MUSK: variants seen among roughly 807,000 people sequenced by gnomAD.
The protein encoded by MUSK is muscle associated receptor tyrosine kinase.
MUSK carries 55 observed loss-of-function variants against 88.7 expected under a neutral mutation model. That is an observed-to-expected ratio of 0.62 (90% CI 0.50 to 0.78). The LOEUF (loss-of-function observed/expected upper bound fraction) is 0.78. Among genes scored for constraint, MUSK ranks in the 30% least tolerant of loss-of-function variants. The probability of loss-of-function intolerance (pLI) is 0.00; values close to 1 mark genes in which losing one functional copy is unlikely to be tolerated. For synonymous variants in MUSK, 387 were observed against 391.9 expected (o/e 0.99, Z 0.15); for missense variants, 1,015 against 1,074.3 (o/e 0.94, Z 0.77).
intron 14 of MUSK, among the ~76,000 whole-genome samples, chr9:110,788,942 T>C (rs2077924911): frequency 6.6e-6 from 1 of 152,082 alleles, no homozygotes; most frequent in Non-Finnish European, 1.5e-5. Context: ...TGTGGCATGC[T>C]TGAGGAATAG....
intron 3 of MUSK, among the ~76,000 whole-genome samples, chr9:110,690,462 A>C (rs549398596): frequency 0.1 from 2,213 of 21,670 alleles, 148 homozygotes; most frequent in African/African-American, 0.12. Context: ...ATATATATTT[A>C]AATATAAGTA....
intron 11 of MUSK, among the ~76,000 whole-genome samples, chr9:110,782,579 GT>G (rs2077778767): frequency 6.6e-6 from 1 of 152,052 alleles, no homozygotes; most frequent in African/African-American, 2.4e-5. Context: ...TCCCTCACAT[GT>G]TATATATGGT....
rs865883137 is a variant in MUSK at position 110,803,588 on chromosome 9, A to G, written c.*2600A>G. Among the ~76,000 whole-genome samples, 5 of 151,004 alleles carry G rather than the reference A, an allele frequency of 3.3e-5. No homozygotes were observed. Among genetic ancestry groups the G allele is most frequent in the African/African-American group, 1.2e-4 (5 of 40,260 alleles). On this transcript the variant is annotated 3_prime_UTR_variant, in exon 15 of 15. Coordinates refer to ENST00000374448, the MANE Select transcript of MUSK (RefSeq NM_005592.4). The stretch of plus-strand genomic sequence containing the variant: ...TTGCATGTCGTTTCAAGCACACTCT[A>G]TATCTATATTTTATTCTATTAACTT...
At chr9:110,797,418 G>A (rs1236042244) in intron 14 of MUSK, among the ~76,000 whole-genome samples, 2 of 151,810 alleles carry the variant, frequency 1.3e-5, no homozygotes, top group African/African-American at 2.4e-5. Flanking sequence ...ATTATGGGAG[G>A]TATACAAATG....
At chr9:110,767,731 C>T in intron 8 of MUSK, 89 bp from the exon 9 acceptor site, 1 of 1,451,430 alleles carries the variant, frequency 6.9e-7, no homozygotes, top group Non-Finnish European at 9.6e-7. Context: ...TTCTGAGACA[C>T]AGATGTGAAA....
At chr9:110,678,909 A>G (rs2076067247) in intron 1 of MUSK, among the ~76,000 whole-genome samples, 1 of 151,600 alleles carries the variant, frequency 6.6e-6, no homozygotes, top group Admixed American at 6.6e-5. Flanking sequence ...TTTTTTTGCT[A>G]TCTTTTTATT....
intron 5 of MUSK, among the ~76,000 whole-genome samples, chr9:110,705,296 C>G (rs775494723): frequency 5.9e-5 from 9 of 152,170 alleles, no homozygotes; most frequent in African/African-American, 1.2e-4. Context: ...TAGGTTTTCA[C>G]AACTCTTGGA....
chr9:110,803,276 T>C lies in MUSK; in HGVS notation c.*2288T>C, dbSNP rs913909892. Reference sequence around the variant, plus strand: ...AAACCTCACAACATCCCTGTAATGTTGGTACTATCATTATATACATTTTAG... The same window carrying C: ...AAACCTCACAACATCCCTGTAATGTCGGTACTATCATTATATACATTTTAG... On this transcript the variant is annotated 3_prime_UTR_variant, in exon 15 of 15. Coordinates refer to ENST00000374448, the MANE Select transcript of MUSK (RefSeq NM_005592.4). 2.6e-5 allele frequency among the ~76,000 whole-genome samples: 4 copies of C among 152,214 alleles called. No individual in the cohort carries two copies. The highest frequency in any genetic ancestry group is 4.4e-5 in the Non-Finnish European group (3 of 68,036).
In MUSK at chr9:110,682,760, C is replaced by G; in HGVS notation, c.166C>G (p.Gln56Glu). ...CATGTGTGCAGTGGAATCCTACCCC[C>G]AGCCTGAGATTTCCTGGACTAGAAA... The part of the protein sequence containing the change: ...TFMCAVESYP[Q>E]PEISWTRNKI... Residue 56 changes from glutamine (Q) to glutamate (E), a missense_variant, in exon 2 of 15, where the codon CAG (glutamine) becomes GAG (glutamate). Coordinates refer to ENST00000374448, the MANE Select transcript of MUSK (RefSeq NM_005592.4). 6.2e-7 allele frequency: 1 copy of G among 1,612,652 alleles called. No individual in the cohort carries two copies. The highest frequency in any genetic ancestry group is 8.5e-7 in the Non-Finnish European group (1 of 1,179,000).
At chr9:110,679,425 A>G (rs2076077960) in intron 1 of MUSK, among the ~76,000 whole-genome samples, 1 of 151,862 alleles carries the variant, frequency 6.6e-6, no homozygotes, top group African/African-American at 2.4e-5. Flanking sequence ...TGCTTTATAC[A>G]TATTTTCCCT....
chr9:110,740,920 T>C (rs568913064), intron 6 of MUSK, among the ~76,000 whole-genome samples: 2 of 152,242 alleles, frequency 1.3e-5, no homozygotes, highest in East Asian at 3.9e-4. Flanking sequence ...ATGATCTCAC[T>C]TATATGTGGA....
intron 7 of MUSK, among the ~76,000 whole-genome samples, chr9:110,756,485 G>C (rs866198311): frequency 3.3e-5 from 5 of 151,140 alleles, no homozygotes; most frequent in Non-Finnish European, 7.4e-5. Context: ...TCTATTCCTG[G>C]ACCCTCTCAC....
At chr9:110,675,219 T>C (rs1437551019) in intron 1 of MUSK, among the ~76,000 whole-genome samples, 2 of 130,600 alleles carry the variant, frequency 1.5e-5, no homozygotes, top group South Asian at 5.2e-4. Context: ...TTGCCTCTTT[T>C]TTTTTTTTTT....
intron 9 of MUSK, among the ~76,000 whole-genome samples, chr9:110,770,009 A>G (rs1183857187): frequency 6.6e-6 from 1 of 152,092 alleles, no homozygotes; most frequent in African/African-American, 2.4e-5. Flanking sequence ...TAAAACCCAG[A>G]AAGTTGGTCA....
intron 1 of MUSK, 136 bp downstream of exon 1, chr9:110,669,119 G>A (rs2075925016): frequency 2.5e-6 from 2 of 798,286 alleles, no homozygotes; most frequent in African/African-American, 1.7e-5. Flanking sequence ...AATGTATGAT[G>A]AGGGAGGAAA....
chr9:110,699,869 G>T (rs2076479652), intron 5 of MUSK, among the ~76,000 whole-genome samples: 1 of 152,144 alleles, frequency 6.6e-6, no homozygotes, highest in Non-Finnish European at 1.5e-5. Context: ...TGGGCATACA[G>T]GAAAAGATAG....
Position 110,778,426 on chromosome 9 carries a change from ATAAT to A in MUSK, c.1384+1774_1384+1777del, listed in dbSNP as rs1450613332. Among the ~76,000 whole-genome samples, 14 of 152,248 alleles carry A rather than the reference ATAAT, an allele frequency of 9.2e-5. No individual in the cohort carries two copies. The East Asian group carries it at 2.7e-3, about 29-fold the overall frequency. On this transcript the variant is annotated intron_variant, in intron 11 of 14. Coordinates refer to ENST00000374448, the MANE Select transcript of MUSK (RefSeq NM_005592.4). Reference sequence around the variant, plus strand: ...AGGTTAATTTGTCTTAATCATTGAAATAATTACTTTTCTCTTGAATTCTCTTTTT... The same window carrying A: ...AGGTTAATTTGTCTTAATCATTGAAATACTTTTCTCTTGAATTCTCTTTTT...
In MUSK at chr9:110,785,576, G is replaced by C; in HGVS notation, c.1636G>C (p.Asp546His). 3 of 1,613,274 alleles carry C rather than the reference G, an allele frequency of 1.9e-6. No homozygotes were observed. Among genetic ancestry groups the C allele is most frequent in the Non-Finnish European group, 2.5e-6 (3 of 1,179,534 alleles). Residue 546 changes from aspartate (D) to histidine (H), a missense_variant, in exon 13 of 15, where the codon GAT (aspartate) becomes CAT (histidine). Coordinates refer to ENST00000374448, the MANE Select transcript of MUSK (RefSeq NM_005592.4). Reference sequence around the variant, plus strand: ...CACACTGCCTTCTGAGCTCTTACTAGATAGACTTCATCCCAACCCCATGTA... The same window carrying C: ...CACACTGCCTTCTGAGCTCTTACTACATAGACTTCATCCCAACCCCATGTA... ...LTTLPSELLL[D>H]RLHPNPMYQR...
rs2076788100 is a variant in MUSK at position 110,719,855 on chromosome 9, C to T, written c.629-14396C>T. Among the ~76,000 whole-genome samples, 7 of 152,152 alleles carry T rather than the reference C, an allele frequency of 4.6e-5. No individual in the cohort carries two copies. In the South Asian group the frequency reaches 1.5e-3, roughly 32 times the overall value. On this transcript the variant is annotated intron_variant, in intron 5 of 14. Coordinates refer to ENST00000374448, the MANE Select transcript of MUSK (RefSeq NM_005592.4). Reference sequence around the variant, plus strand: ...ATATGATAGGCCACAAAACAAGTCTCAGTGAATTTGAGAAAATAGAAATTA... The same window carrying T: ...ATATGATAGGCCACAAAACAAGTCTTAGTGAATTTGAGAAAATAGAAATTA...
Sources: allele counts gnomAD v4.1 joint callset (sites outside exome capture counted in the v4.1 genomes callset), GRCh38; gene constraint gnomAD v4.1.1; transcripts MANE v1.5; gene names NCBI Gene and HGNC (gene_info 2026-07-23, HGNC 2026-07-21).